Variants in B3GALT1 observed in about 807,000 individuals in gnomAD.
The protein encoded by B3GALT1 is UDP-Gal:betaGlcNAc beta 1,3-galactosyltransferase, polypeptide 1.
A neutral mutation model predicts 23.2 loss-of-function variants in B3GALT1; 10 were observed. That is an observed-to-expected ratio of 0.43 (90% CI 0.27 to 0.73). The LOEUF (loss-of-function observed/expected upper bound fraction) is 0.73, where lower values mean the gene tolerates loss of function less well. B3GALT1 is among the 30% of genes least tolerant of loss of function. B3GALT1 has a pLI of 0.21. For missense variants in B3GALT1, 299 were observed against 405.4 expected (o/e 0.74, Z 2.25); for synonymous variants, 156 against 141.5 (o/e 1.10, Z -0.73).
At chr2:167,434,713 C>CA (rs1020939888) in intron 1 of B3GALT1, among the ~76,000 whole-genome samples, 1 of 137,214 alleles carries the variant, frequency 7.3e-6, no homozygotes, top group African/African-American at 2.6e-5. Context: ...ATGAATGACC[C>CA]CCCCCCCTTA....
intron 3 of B3GALT1, among the ~76,000 whole-genome samples, chr2:167,799,304 T>C (rs10208688): frequency 1.3e-5 from 2 of 151,972 alleles, no homozygotes; most frequent in African/African-American, 4.8e-5. Context: ...CAGTGTACAT[T>C]GTACCCAATA....
chr2:167,441,903 AG>A (rs2105313534), intron 1 of B3GALT1, among the ~76,000 whole-genome samples: 1 of 151,508 alleles, frequency 6.6e-6, no homozygotes, highest in South Asian at 2.1e-4. Flanking sequence ...TTATACTTTA[AG>A]TTTTAGGGTA....
intron 1 of B3GALT1, among the ~76,000 whole-genome samples, chr2:167,373,548 A>G (rs1697716935): frequency 2.0e-5 from 3 of 152,212 alleles, no homozygotes; most frequent in Admixed American, 2.0e-4. Flanking sequence ...AAAACAGGAA[A>G]ATAAAAAAGA....
intron 1 of B3GALT1, among the ~76,000 whole-genome samples, chr2:167,338,697 TTTC>T (rs1373461728): frequency 3.9e-5 from 6 of 152,114 alleles, no homozygotes; most frequent in African/African-American, 1.4e-4. Flanking sequence ...AAGGGAATTC[TTTC>T]TTAAGGCAAA....
chr2:167,666,170 A>C (rs960643568), intron 3 of B3GALT1, among the ~76,000 whole-genome samples: 6 of 152,340 alleles, frequency 3.9e-5, no homozygotes, highest in Non-Finnish European at 8.8e-5. Context: ...CGTTCGTTTC[A>C]AAGAACATCT....
At chr2:167,533,146 C>T (rs889817870) in intron 2 of B3GALT1, among the ~76,000 whole-genome samples, 6 of 152,112 alleles carry the variant, frequency 3.9e-5, no homozygotes, top group Non-Finnish European at 7.4e-5. Flanking sequence ...CAGGCATGAG[C>T]TACTGCACCT....
intron 3 of B3GALT1, among the ~76,000 whole-genome samples, chr2:167,787,487 C>A (rs1205865285): frequency 6.6e-6 from 1 of 152,208 alleles, no homozygotes; most frequent in Admixed American, 6.5e-5. Context: ...CTTTCTGGTT[C>A]TATGTATTTG....
At chr2:167,752,803 G>A (rs1687759506) in intron 3 of B3GALT1, among the ~76,000 whole-genome samples, 2 of 152,192 alleles carry the variant, frequency 1.3e-5, no homozygotes, top group South Asian at 4.1e-4. Flanking sequence ...TCTTTGGCAA[G>A]GGCATTTGGG....
intron 1 of B3GALT1, among the ~76,000 whole-genome samples, chr2:167,445,391 C>T (rs1453159893): frequency 2.6e-5 from 4 of 152,156 alleles, no homozygotes; most frequent in Non-Finnish European, 5.9e-5. Context: ...CCACTTGGTG[C>T]AGAGCTGAGT....
chr2:167,575,778 A>T (rs1574147949), intron 2 of B3GALT1, among the ~76,000 whole-genome samples: 1 of 151,822 alleles, frequency 6.6e-6, no homozygotes, highest in African/African-American at 2.4e-5. Context: ...TATCTTCCAC[A>T]TACAAAGAAC....
intron 3 of B3GALT1, among the ~76,000 whole-genome samples, chr2:167,814,378 C>T (rs1365689920): frequency 1.3e-5 from 2 of 152,150 alleles, no homozygotes; most frequent in Non-Finnish European, 2.9e-5. Context: ...CTTGGTAGAA[C>T]AGAGGAGGCT....
At chr2:167,757,079 C>T (rs12613919) in intron 3 of B3GALT1, among the ~76,000 whole-genome samples, 10,671 of 152,102 alleles carry the variant, frequency 0.07, 1,180 homozygotes, top group African/African-American at 0.23. Context: ...ATCTATTATA[C>T]GGGACTAATA....
At position 167,435,410 on chromosome 2, in the gene B3GALT1, C is replaced by T. The variant is rs113563502; in HGVS notation, c.-510-54767C>T. ...AGGGAAGAAAAGCCTTTTTCTTTAG[C>T]GTGCTTTAGAAACATATGCTTGCAA... On this transcript the variant is annotated intron_variant, in intron 1 of 4. Coordinates refer to ENST00000392690, the MANE Select transcript of B3GALT1 (RefSeq NM_020981.4). 4.5e-3 allele frequency among the ~76,000 whole-genome samples: 399 copies of T among 87,790 alleles called. 2 individuals are homozygous for T. Among genetic ancestry groups the T allele is most frequent in the African/African-American group, 0.018 (387 of 21,266 alleles). The allele number at this position is 87,790 out of a possible 152,430, so 57.6% of individuals were successfully genotyped here. A position where few individuals can be genotyped will look rare whatever the true frequency, so the allele number is the denominator to read the frequency against.
At chr2:167,618,937 A>G (rs1289878442) in intron 2 of B3GALT1, among the ~76,000 whole-genome samples, 1 of 151,696 alleles carries the variant, frequency 6.6e-6, no homozygotes, top group African/African-American at 2.4e-5. Flanking sequence ...ATGCACCCTA[A>G]TGTTACCTTT....
At chr2:167,560,125 G>A in intron 2 of B3GALT1, among the ~76,000 whole-genome samples, 1 of 152,170 alleles carries the variant, frequency 6.6e-6, no homozygotes, top group Non-Finnish European at 1.5e-5. Flanking sequence ...AACTCTACAA[G>A]CCAGAAGAGA....
intron 3 of B3GALT1, among the ~76,000 whole-genome samples, chr2:167,683,940 C>A (rs779543834): frequency 6.6e-6 from 1 of 152,198 alleles, no homozygotes; most frequent in Non-Finnish European, 1.5e-5. Context: ...TTCTCTCTAT[C>A]TGGAACACTT....
chr2:167,658,572 A>G (rs1002840967), intron 3 of B3GALT1, among the ~76,000 whole-genome samples: 8 of 152,066 alleles, frequency 5.3e-5, no homozygotes, highest in Admixed American at 3.9e-4. Flanking sequence ...TGAGATTAGT[A>G]TTTATACCAC....
chr2:167,613,909 T>G (rs1685112646), intron 2 of B3GALT1, among the ~76,000 whole-genome samples: 1 of 150,308 alleles, frequency 6.7e-6, no homozygotes, highest in African/African-American at 2.5e-5. Context: ...AGACTGAAGG[T>G]TTTTTTCCCT....
intron 3 of B3GALT1, chr2:167,714,531 A>G (rs1687113937): frequency 6.2e-7 from 1 of 1,612,614 alleles, no homozygotes; most frequent in African/African-American, 1.3e-5. Flanking sequence ...TCTCTGCCAA[A>G]TGTTGTATTT....
Sources: allele counts gnomAD v4.1 joint callset (sites outside exome capture counted in the v4.1 genomes callset), GRCh38; gene constraint gnomAD v4.1.1; transcripts MANE v1.5; gene names NCBI Gene and HGNC (gene_info 2026-07-23, HGNC 2026-07-21).